The following TPH2 variants were observed in gnomAD, a reference collection of about 807,000 sequenced individuals.
The protein encoded by TPH2 is tryptophan hydroxylase 2, also known as tryptophan 5-hydroxylase 2.
Under a neutral mutation model 59.1 loss-of-function variants are expected in TPH2, and 27 were observed. That is an observed-to-expected ratio of 0.46 (90% CI 0.34 to 0.63). The LOEUF (loss-of-function observed/expected upper bound fraction) is 0.63, where lower values mean the gene tolerates loss of function less well. Among genes scored for constraint, TPH2 ranks in the 30% least tolerant of loss-of-function variants. TPH2 has a pLI of 0.01. For missense variants in TPH2, 523 were observed against 588.3 expected (o/e 0.89, Z 1.15); for synonymous variants, 220 against 210.5 (o/e 1.05, Z -0.39).
intron 9 of TPH2, among the ~76,000 whole-genome samples, chr12:72,023,757 G>A (rs1014432894): frequency 4.0e-5 from 6 of 150,516 alleles, no homozygotes; most frequent in South Asian, 2.1e-4. Flanking sequence ...CCAGGAGGCG[G>A]AGGTTGCAGT....
At chr12:72,028,199 G>A (rs552599090) in intron 9 of TPH2, among the ~76,000 whole-genome samples, 14 of 152,264 alleles carry the variant, frequency 9.2e-5, no homozygotes, top group African/African-American at 3.4e-4. Flanking sequence ...GCTTCTCTCT[G>A]CAGGAAGTTG....
At position 71,946,929 on chromosome 12, in the gene TPH2, G is replaced by A. The variant is rs987395456; in HGVS notation, c.540+2243G>A. Among the ~76,000 whole-genome samples, 38 of 152,288 alleles carry A rather than the reference G, an allele frequency of 2.5e-4. 1 individual carries two copies. Among genetic ancestry groups the A allele is most frequent in the African/African-American group, 9.1e-4 (38 of 41,576 alleles). On this transcript the variant is annotated intron_variant, in intron 4 of 10. Transcript: ENST00000333850. ...CTATTTCTGGTGATCTCCCAGATAA[G>A]GCTTGCACCAGAGGGTCTTGGGACC...
intron 9 of TPH2, 144 bp from the exon 10 acceptor site, chr12:72,031,114 G>A: frequency 8.7e-7 from 1 of 1,146,202 alleles, no homozygotes; most frequent in Admixed American, 1.8e-5. Context: ...CTGCACACAG[G>A]AGAGTTCCAT....
At chr12:72,029,252 A>G (rs961395744) in intron 9 of TPH2, among the ~76,000 whole-genome samples, 2 of 152,172 alleles carry the variant, frequency 1.3e-5, no homozygotes, top group Non-Finnish European at 2.9e-5. Context: ...CATGGCTTTA[A>G]TGTTCTTACA....
Position 72,003,279 on chromosome 12 carries a change from A to T in TPH2, c.1068+8714A>T, listed in dbSNP as rs755568490. Among the ~76,000 whole-genome samples, 16 of 152,158 alleles carry T rather than the reference A, an allele frequency of 1.1e-4. No individual in the cohort carries two copies. The East Asian group carries it at 3.1e-3, about 29-fold the overall frequency. On this transcript the variant is annotated intron_variant, in intron 8 of 10. Coordinates refer to ENST00000333850, the MANE Select transcript of TPH2 (RefSeq NM_173353.4). ...TCTTTGAACTATTTCAGCTGTTTGG[A>T]TCATTTTATACAAAGCTGACAAAGG...
intron 6 of TPH2, among the ~76,000 whole-genome samples, chr12:71,976,041 G>A (rs1403431925): frequency 6.6e-6 from 1 of 152,166 alleles, no homozygotes; most frequent in East Asian, 1.9e-4. Flanking sequence ...TGGTATAGTG[G>A]CTTGGACCAT....
In TPH2 at chr12:71,972,526, C is replaced by T. The variant is rs17110563; in HGVS notation, c.616C>T (p.Pro206Ser). ...TTCTTCTCTCCTGCCTAGTGGTCAG[C>T]CCATTCCCAGGGTGGAGTATACTGA... ...DVAMGYKYGQ[P>S]IPRVEYTEEE... is the part of the protein sequence containing the mutation. Residue 206 changes from proline to serine, a missense_variant, in exon 6 of 11, where the codon CCC (proline) becomes TCC (serine). Pro to Ser is a moderately conservative substitution (Grantham distance 74, BLOSUM62 -1). Coordinates refer to ENST00000333850, the MANE Select transcript of TPH2 (RefSeq NM_173353.4). 1.5e-3 allele frequency: 2,403 copies of T among 1,614,092 alleles called. 6 individuals carry two copies. The highest frequency in any genetic ancestry group is 1.7e-3 in the South Asian group (157 of 91,068).
chr12:71,979,961 G>T (rs930720817), intron 7 of TPH2, among the ~76,000 whole-genome samples: 8 of 152,028 alleles, frequency 5.3e-5, no homozygotes, highest in African/African-American at 1.7e-4. Flanking sequence ...CATACAGACA[G>T]ACAGACAGAC....
intron 8 of TPH2, among the ~76,000 whole-genome samples, chr12:72,018,290 A>C (rs1169868491): frequency 6.6e-6 from 1 of 152,208 alleles, no homozygotes; most frequent in Non-Finnish European, 1.5e-5. Flanking sequence ...GGAAGAGCAC[A>C]GGGGCTCTTT....
At chr12:71,962,266 A>T in intron 5 of TPH2, 1 of 985,452 alleles carries the variant, frequency 1.0e-6, no homozygotes, top group African/African-American at 1.7e-5. Flanking sequence ...TTGTAAAAAA[A>T]TATTATTAAA....
chr12:71,989,203 A>G (rs1183198417), intron 7 of TPH2, among the ~76,000 whole-genome samples: 1 of 151,972 alleles, frequency 6.6e-6, no homozygotes, highest in Non-Finnish European at 1.5e-5. Flanking sequence ...TCTGGGTCAG[A>G]TTTTACAGTA....
intron 7 of TPH2, among the ~76,000 whole-genome samples, chr12:71,992,612 A>G (rs1872606356): frequency 6.6e-6 from 1 of 152,064 alleles, no homozygotes; most frequent in Non-Finnish European, 1.5e-5. Flanking sequence ...TAAAAAAAAA[A>G]AGTCTCTGTC....
In TPH2 at chr12:71,972,598, C is replaced by A; in HGVS notation, c.688C>A (p.Leu230Ile). 1 of 1,614,178 alleles carries A rather than the reference C, an allele frequency of 6.2e-7. No homozygotes were observed. Among genetic ancestry groups the A allele is most frequent in the Non-Finnish European group, 8.5e-7 (1 of 1,180,022 alleles). The part of the protein sequence containing the change: ...WGVVFRELSK[L>I]YPTHACREYL... Reference sequence around the variant, plus strand: ...TGTTGTATTCCGGGAGCTCTCCAAACTCTATCCCACTCATGCTTGCCGAGA... The same window carrying A: ...TGTTGTATTCCGGGAGCTCTCCAAAATCTATCCCACTCATGCTTGCCGAGA... Residue 230 changes from leucine to isoleucine, a missense_variant, in exon 6 of 11, where the codon CTC becomes ATC. Physicochemically the swap from Leu to Ile is conservative, Grantham distance 5. Coordinates refer to ENST00000333850, the MANE Select transcript of TPH2 (RefSeq NM_173353.4).
chr12:71,991,237 T>G (rs1468881579), intron 7 of TPH2, among the ~76,000 whole-genome samples: 1 of 152,240 alleles, frequency 6.6e-6, no homozygotes, highest in Non-Finnish European at 1.5e-5. Context: ...GCTTTCGGAC[T>G]CCATTAGTGT....
rs149702663 is a variant in TPH2 at position 71,950,596 on chromosome 12, T to A, written c.608+941T>A. 1.6e-3 allele frequency among the ~76,000 whole-genome samples: 246 copies of A among 152,262 alleles called. 1 individual carries two copies. The highest frequency in any genetic ancestry group is 5.6e-3 in the African/African-American group (234 of 41,556). On this transcript the variant is annotated intron_variant, in intron 5 of 10. Transcript: ENST00000333850. The stretch of plus-strand genomic sequence containing the variant: ...TTTGTTCTACTCATGCTAGTATAAC[T>A]CATAGATCATCACAATGCTCTCTTT...
At chr12:71,969,391 C>A (rs1871911126) in intron 5 of TPH2, among the ~76,000 whole-genome samples, 1 of 152,194 alleles carries the variant, frequency 6.6e-6, no homozygotes, top group Non-Finnish European at 1.5e-5. Flanking sequence ...AAAAAACCCA[C>A]TAACCCATAA....
At chr12:71,953,248 A>G (rs924404043) in intron 5 of TPH2, among the ~76,000 whole-genome samples, 1 of 151,966 alleles carries the variant, frequency 6.6e-6, no homozygotes, top group African/African-American at 2.4e-5. Context: ...GGTGCCTACC[A>G]AAGGTAGTTA....
intron 8 of TPH2, among the ~76,000 whole-genome samples, chr12:72,019,519 G>C (rs762683846): frequency 2.0e-5 from 3 of 152,122 alleles, no homozygotes; most frequent in Non-Finnish European, 2.9e-5. Context: ...AAAGCTGTTT[G>C]CAGCTTAAAC....
chr12:71,944,810 C>A lies in TPH2; in HGVS notation c.540+124C>A, dbSNP rs1170974223. ...ACAATTTATTATTTATTCCCCATAA[C>A]TGAGAGCAGACTTCCAAATGATAAA... On this transcript the variant is annotated intron_variant, in intron 4 of 10. Coordinates refer to ENST00000333850, the MANE Select transcript of TPH2 (RefSeq NM_173353.4). 3.2e-6 allele frequency: 3 copies of A among 932,272 alleles called. No homozygotes were observed. The East Asian group carries it at 7.6e-5, about 24-fold the overall frequency. The allele number at this position is 932,272 out of a possible 1,614,324, so 57.7% of individuals were successfully genotyped here. A position where few individuals can be genotyped will look rare whatever the true frequency, so the allele number is the denominator to read the frequency against.
Sources: gnomAD v4.1 joint callset for allele counts (sites outside exome capture counted in the v4.1 genomes callset) on GRCh38, gnomAD v4.1.1 for gene constraint, MANE v1.5 for transcripts, NCBI Gene and HGNC (gene_info 2026-07-23, HGNC 2026-07-21) for gene names.